Variants in FRMD4A observed in about 807,000 individuals in gnomAD.
FRMD4A encodes the protein FERM domain containing 4A.
FRMD4A carries 29 observed loss-of-function variants against 129.1 expected under a neutral mutation model. That is an observed-to-expected ratio of 0.22 (90% confidence interval 0.17 to 0.31). The LOEUF (loss-of-function observed/expected upper bound fraction) is 0.31, where lower values mean the gene tolerates loss of function less well. Among genes scored for constraint, FRMD4A ranks in the 10% least tolerant of loss-of-function variants. The pLI is 1.00. For missense variants in FRMD4A, 1,272 were observed against 1,375.8 expected (o/e 0.92, Z 1.19); for synonymous variants, 634 against 571.6 (o/e 1.11, Z -1.56).
chr10:14,243,831 T>A (rs2461235), intron 2 of FRMD4A, among the ~76,000 whole-genome samples: 137,665 of 147,998 alleles, frequency 0.93, 64,235 homozygotes, highest in East Asian at 0.99. Context: ...TTACCACAAT[T>A]AAAAAAAAAA....
chr10:13,696,179 A>C (rs769351277), intron 14 of FRMD4A, among the ~76,000 whole-genome samples: 3 of 152,140 alleles, frequency 2.0e-5, no homozygotes, highest in Non-Finnish European at 2.9e-5. Flanking sequence ...CAGGCCCTCG[A>C]AGGATTTTGG....
At chr10:14,322,474 G>A (rs892512053) in intron 2 of FRMD4A, among the ~76,000 whole-genome samples, 2 of 152,190 alleles carry the variant, frequency 1.3e-5, no homozygotes, top group Non-Finnish European at 2.9e-5. Context: ...GGAGCTTGGG[G>A]CAAGGCCTGA....
chr10:13,971,841 C>G (rs1332964766), intron 2 of FRMD4A: 1 of 1,303,434 alleles, frequency 7.7e-7, no homozygotes, highest in Non-Finnish European at 1.0e-6. Flanking sequence ...GTCCCTGGCC[C>G]CACATCCAGG....
chr10:13,867,095 AAC>A (rs1333124240), intron 2 of FRMD4A, among the ~76,000 whole-genome samples: 3 of 152,188 alleles, frequency 2.0e-5, no homozygotes, highest in African/African-American at 7.2e-5. Flanking sequence ...AAAAAACCCT[AAC>A]ACAATACAAT....
At position 14,146,960 on chromosome 10, in the gene FRMD4A, T is replaced by G. The variant is rs145720395; in HGVS notation, c.45+183098A>C. 2.3e-3 allele frequency among the ~76,000 whole-genome samples: 346 copies of G among 152,356 alleles called. 1 individual carries two copies. The highest frequency in any genetic ancestry group is 0.012 in the South Asian group (57 of 4,830). On this transcript the variant is annotated intron_variant, in intron 2 of 24. Coordinates refer to ENST00000357447, the MANE Select transcript of FRMD4A (RefSeq NM_018027.5). ...ATTTGCTTCATTTCCTCCTCACATT[T>G]GCAATTTTCTATTTTTGTTTTAATA...
At chr10:13,688,647 C>CT (rs2085341237) in intron 15 of FRMD4A, among the ~76,000 whole-genome samples, 1 of 151,940 alleles carries the variant, frequency 6.6e-6, no homozygotes, top group Non-Finnish European at 1.5e-5. Flanking sequence ...ACTATGTTGA[C>CT]TTTTTTATTT....
intron 2 of FRMD4A, among the ~76,000 whole-genome samples, chr10:14,132,541 T>G (rs1232257876): frequency 6.6e-6 from 1 of 152,114 alleles, no homozygotes; most frequent in Admixed American, 6.5e-5. Context: ...GTTCCCCACG[T>G]GTACCTGGGA....
intron 15 of FRMD4A, among the ~76,000 whole-genome samples, chr10:13,679,318 G>C (rs2084268877): frequency 1.4e-5 from 2 of 145,680 alleles, no homozygotes; most frequent in African/African-American, 2.5e-5. Flanking sequence ...ATCCCAGCCA[G>C]TTGGGTGGCT....
Position 14,059,602 on chromosome 10 carries a change from C to A in FRMD4A, c.46-200690G>T, listed in dbSNP as rs150325937. ...GTGGGAACATTGACCTTGAACTCCC[C>A]AGCATCCAGAACTGTGAGAAATACA... On this transcript the variant is annotated intron_variant, in intron 2 of 24. Transcript: ENST00000357447. Among the ~76,000 whole-genome samples the A allele has an allele frequency of 2.3e-3, 346 of 152,308 alleles. 1 individual carries two copies. The highest frequency in any genetic ancestry group is 7.9e-3 in the African/African-American group (327 of 41,580).
chr10:13,997,708 G>A (rs1238275592), intron 2 of FRMD4A, among the ~76,000 whole-genome samples: 3 of 147,772 alleles, frequency 2.0e-5, no homozygotes, highest in African/African-American at 7.5e-5. Context: ...CTGCAGCCTC[G>A]ACCTCTTGGG....
intron 21 of FRMD4A, 119 bp from the exon 22 acceptor site, chr10:13,657,641 G>A (rs1436978282): frequency 1.5e-6 from 2 of 1,368,458 alleles, no homozygotes; most frequent in Non-Finnish European, 1.9e-6. Context: ...GCAGGCCCCA[G>A]CCCAGCAAGC....
intron 2 of FRMD4A, among the ~76,000 whole-genome samples, chr10:13,980,876 T>G (rs1374680406): frequency 3.3e-5 from 5 of 152,210 alleles, no homozygotes; most frequent in Non-Finnish European, 7.3e-5. Flanking sequence ...ATGATCTGTC[T>G]TGAGTTGGTC....
At chr10:13,698,917 T>C (rs1887004) in intron 14 of FRMD4A, among the ~76,000 whole-genome samples, 57,947 of 152,050 alleles carry the variant, frequency 0.38, 11,462 homozygotes, top group African/African-American at 0.49. Context: ...TCCTTCTCCT[T>C]CTGGGAGCGT....
At chr10:13,910,365 G>A (rs2094928507) in intron 2 of FRMD4A, among the ~76,000 whole-genome samples, 1 of 152,180 alleles carries the variant, frequency 6.6e-6, no homozygotes, top group Non-Finnish European at 1.5e-5. Flanking sequence ...AGAGGGGAGA[G>A]AACCCAGCTG....
intron 2 of FRMD4A, among the ~76,000 whole-genome samples, chr10:13,964,520 T>C (rs1255287772): frequency 6.6e-6 from 1 of 152,082 alleles, no homozygotes; most frequent in African/African-American, 2.4e-5. Context: ...GGTCGATTTG[T>C]CATGAAACCA....
intron 2 of FRMD4A, among the ~76,000 whole-genome samples, chr10:14,187,728 C>A (rs1352410301): frequency 6.6e-6 from 1 of 152,168 alleles, no homozygotes; most frequent in Non-Finnish European, 1.5e-5. Flanking sequence ...CAGCAATGAG[C>A]AGAATGCTGT....
At chr10:13,990,745 G>A (rs1236428529) in intron 2 of FRMD4A, among the ~76,000 whole-genome samples, 3 of 152,202 alleles carry the variant, frequency 2.0e-5, no homozygotes, top group Admixed American at 2.0e-4. Context: ...CGGAAACTCA[G>A]AAACGTGTAA....
chr10:14,250,287 T>C (rs1215175937), intron 2 of FRMD4A, among the ~76,000 whole-genome samples: 1 of 152,172 alleles, frequency 6.6e-6, no homozygotes, highest in East Asian at 1.9e-4. Context: ...TTCCTCCTCC[T>C]CATAAAAACT....
intron 2 of FRMD4A, among the ~76,000 whole-genome samples, chr10:14,188,721 A>G (rs149779787): frequency 6.6e-6 from 1 of 152,212 alleles, no homozygotes; most frequent in Admixed American, 6.5e-5. Flanking sequence ...CCTGGGCAAC[A>G]TAGTGAGACC....
Sources: gnomAD v4.1 joint callset for allele counts (sites outside exome capture counted in the v4.1 genomes callset) on GRCh38, gnomAD v4.1.1 for gene constraint, MANE v1.5 for transcripts, NCBI Gene and HGNC (gene_info 2026-07-23, HGNC 2026-07-21) for gene names.